SCAI: variants seen among roughly 807,000 people sequenced by gnomAD.
SCAI encodes suppressor of cancer cell invasion.
A neutral mutation model predicts 92.2 loss-of-function variants in SCAI; 24 were observed. The ratio of observed to expected loss-of-function variants is 0.26; its 90% CI spans 0.19 to 0.37. SCAI has a LOEUF of 0.37. Among genes scored for constraint, SCAI ranks in the 10% least tolerant of loss-of-function variants. SCAI has a pLI of 1.00. For synonymous variants in SCAI, 261 were observed against 258.6 expected, an observed-to-expected ratio of 1.01 and a Z score of -0.09; for missense variants, 450 against 736.2, an observed-to-expected ratio of 0.61 and a Z score of 4.50.
intron 15 of SCAI, among the ~76,000 whole-genome samples, chr9:124,972,626 T>C (rs1831681896): frequency 6.6e-6 from 1 of 152,202 alleles, no homozygotes; most frequent in South Asian, 2.1e-4. Flanking sequence ...TTCAACCTAA[T>C]TCTCAAAGGC....
intron 2 of SCAI, among the ~76,000 whole-genome samples, chr9:125,088,340 A>G (rs1430152180): frequency 6.6e-6 from 1 of 152,200 alleles, no homozygotes; most frequent in Non-Finnish European, 1.5e-5. Flanking sequence ...ATAGGAGGTG[A>G]CTGGATCATG....
At chr9:125,012,744 C>T (rs1832666532) in intron 9 of SCAI, among the ~76,000 whole-genome samples, 1 of 152,102 alleles carries the variant, frequency 6.6e-6, no homozygotes, top group Non-Finnish European at 1.5e-5. Flanking sequence ...CAGCACCACA[C>T]CACACCTATT....
intron 2 of SCAI, among the ~76,000 whole-genome samples, chr9:125,133,246 C>T (rs755025460): frequency 2.0e-5 from 3 of 151,648 alleles, no homozygotes; most frequent in Non-Finnish European, 2.9e-5. Context: ...AAAAATTCAC[C>T]GGGTGTGGTA....
chr9:125,003,591 A>C (rs1363513283), intron 9 of SCAI, 21 bp from the exon 10 acceptor site: 1 of 1,470,324 alleles, frequency 6.8e-7, no homozygotes, highest in Non-Finnish European at 9.5e-7. Flanking sequence ...AAAAAAAACA[A>C]ACACAACCTA....
At chr9:125,088,500 T>C (rs1041018856) in intron 2 of SCAI, among the ~76,000 whole-genome samples, 30 of 152,208 alleles carry the variant, frequency 2.0e-4, no homozygotes, top group African/African-American at 6.8e-4. Context: ...TTCTCCAGGA[T>C]TGTTTCCTGA....
intron 2 of SCAI, among the ~76,000 whole-genome samples, chr9:125,114,630 G>C (rs1834998702): frequency 6.6e-6 from 1 of 152,004 alleles, no homozygotes. Flanking sequence ...CCCAGAGATA[G>C]GGTCTTGCTC....
chr9:124,946,964 C>T lies in SCAI; in HGVS notation c.*5843G>A, dbSNP rs559549003. ...ATTAATCATAGCTGCTGCAAATATA[C>T]AAATTAACAACCTCCCGTTCCTCAC... On this transcript the variant is annotated 3_prime_UTR_variant, in exon 18 of 18. Coordinates refer to ENST00000336505, the MANE Select transcript of SCAI (RefSeq NM_001144877.3). This position sits in a 1 kb window ranked among gnomAD's most constrained non-coding sequence, Gnocchi z 4.0. 1 of 152,132 alleles carries T rather than the reference C, an allele frequency of 6.6e-6. No individual in the cohort carries two copies. The highest frequency in any genetic ancestry group is 1.5e-5 in the Non-Finnish European group (1 of 68,008). The allele number at this position is 152,132 out of a possible 1,614,324, so 9.4% of individuals were successfully genotyped here.
At chr9:125,034,603 G>T (rs1833152950) in intron 3 of SCAI, among the ~76,000 whole-genome samples, 1 of 152,042 alleles carries the variant, frequency 6.6e-6, no homozygotes, top group Non-Finnish European at 1.5e-5. Flanking sequence ...AAATAAATTT[G>T]CCAGGCGTAG....
intron 17 of SCAI, among the ~76,000 whole-genome samples, chr9:124,968,055 G>T (rs1831574173): frequency 1.3e-5 from 2 of 152,054 alleles, no homozygotes; most frequent in Admixed American, 1.3e-4. Context: ...CATTATAAAA[G>T]ATAAAGGATA....
At chr9:125,089,498 T>C (rs113463637) in intron 2 of SCAI, among the ~76,000 whole-genome samples, 41 of 152,316 alleles carry the variant, frequency 2.7e-4, no homozygotes, top group African/African-American at 9.4e-4. Context: ...TAGTTTCTTG[T>C]TACTCAAAAT....
At chr9:125,121,447 C>T (rs1463058358) in intron 2 of SCAI, among the ~76,000 whole-genome samples, 1 of 151,898 alleles carries the variant, frequency 6.6e-6, no homozygotes, top group Non-Finnish European at 1.5e-5. Flanking sequence ...GCAAAGGCTC[C>T]ACCCTTAAGC....
At chr9:124,976,413 A>T (rs2131594222) in intron 14 of SCAI, among the ~76,000 whole-genome samples, 1 of 152,330 alleles carries the variant, frequency 6.6e-6, no homozygotes, top group African/African-American at 2.4e-5. Context: ...TGAACTACTG[A>T]TTTTTTAAAC....
chr9:125,099,488 G>C (rs1250193260), intron 2 of SCAI, among the ~76,000 whole-genome samples: 1 of 152,008 alleles, frequency 6.6e-6, no homozygotes, highest in Non-Finnish European at 1.5e-5. Flanking sequence ...TGCCATGTTG[G>C]CCACGCTAGT....
chr9:125,107,862 C>T (rs1002498661), intron 2 of SCAI, among the ~76,000 whole-genome samples: 9 of 152,210 alleles, frequency 5.9e-5, no homozygotes, highest in East Asian at 1.9e-4. Flanking sequence ...TCTCTTTCCA[C>T]GGTCTCCCTC....
chr9:125,112,377 A>G (rs891850961), intron 2 of SCAI, among the ~76,000 whole-genome samples: 1 of 152,240 alleles, frequency 6.6e-6, no homozygotes, highest in African/African-American at 2.4e-5. Context: ...AGAAAATATA[A>G]GAAAAATCAA....
In SCAI at chr9:124,947,943, T is replaced by C. The variant is rs1326285650; in HGVS notation, c.*4864A>G. 6.6e-6 allele frequency: 1 copy of C among 152,204 alleles called. No individual in the cohort carries two copies. Among genetic ancestry groups the C allele is most frequent in the Non-Finnish European group, 1.5e-5 (1 of 68,032 alleles). The allele number at this position is 152,204 out of a possible 1,614,324, so 9.4% of individuals were successfully genotyped here. On this transcript the variant is annotated 3_prime_UTR_variant, in exon 18 of 18. Transcript: ENST00000336505. ...CTGACTATATTTCCAGTCCAGAGTGTTCTCTGTATATCAGGCTGATTACAA... is the reference window on the plus strand; with the variant it reads ...CTGACTATATTTCCAGTCCAGAGTGCTCTCTGTATATCAGGCTGATTACAA...
chr9:124,983,013 T>C (rs1298611110), intron 14 of SCAI, among the ~76,000 whole-genome samples: 3 of 151,906 alleles, frequency 2.0e-5, no homozygotes, highest in Non-Finnish European at 4.4e-5. Context: ...ATTAGCCAGG[T>C]GTGGTGGCAT....
intron 1 of SCAI, among the ~76,000 whole-genome samples, chr9:125,143,168 C>T (rs1181670484): frequency 2.0e-5 from 3 of 151,650 alleles, no homozygotes; most frequent in African/African-American, 7.3e-5. Flanking sequence ...CCCTCGGCGC[C>T]CCTTCCCTCA....
In SCAI at chr9:125,046,327, A is replaced by T. The variant is rs1195710233; in HGVS notation, c.230+9549T>A. On this transcript the variant is annotated intron_variant, in intron 3 of 17. Coordinates refer to ENST00000336505, the MANE Select transcript of SCAI (RefSeq NM_001144877.3). ...ATCTCATATATATATACACACACAC[A>T]CACACATATATATATGTGTGTGTGT... is the stretch of plus-strand genomic sequence containing the variant. 5.1e-3 allele frequency among the ~76,000 whole-genome samples: 214 copies of T among 41,722 alleles called. 2 individuals are homozygous for T. Among genetic ancestry groups the T allele is most frequent in the African/African-American group, 0.018 (203 of 11,504 alleles). The allele number at this position is 41,722 out of a possible 152,430, so 27.4% of individuals were successfully genotyped here.
Sources: gnomAD v4.1 joint callset for allele counts (sites outside exome capture counted in the v4.1 genomes callset) on GRCh38, gnomAD v4.1.1 for gene constraint, Gnocchi (gnomAD v3.1) non-coding constraint, MANE v1.5 for transcripts, NCBI Gene and HGNC (gene_info 2026-07-23, HGNC 2026-07-21) for gene names.